RASGRP2: variants seen among roughly 807,000 people sequenced by gnomAD.
RASGRP2 encodes RAS guanyl-releasing protein 2.
RASGRP2 carries 44 observed loss-of-function variants against 71.0 expected under a neutral mutation model. The ratio of observed to expected loss-of-function variants is 0.62; its 90% CI spans 0.49 to 0.80. The LOEUF is 0.80. RASGRP2 is among the 30% of genes least tolerant of loss of function. The pLI is 0.00. For missense variants in RASGRP2, 663 were observed against 813.4 expected (o/e 0.82, Z 2.25); for synonymous variants, 350 against 330.7 (o/e 1.06, Z -0.63).
At chr11:64,732,616 C>T (rs539835535) in intron 12 of RASGRP2, among the ~76,000 whole-genome samples, 1 of 152,040 alleles carries the variant, frequency 6.6e-6, no homozygotes, top group Admixed American at 6.5e-5. Flanking sequence ...CCCGTCTCTA[C>T]TAAAAATACA....
Position 64,743,398 on chromosome 11 carries a change from G to C in RASGRP2, c.-71-461C>G, listed in dbSNP as rs1592394662. 2.7e-6 allele frequency: 1 copy of C among 370,486 alleles called. No individual in the cohort carries two copies. The highest frequency in any genetic ancestry group is 7.6e-5 in the East Asian group (1 of 13,102). 22.9% of individuals were successfully genotyped at this position (370,486 alleles called of 1,614,324 possible). A position where few individuals can be genotyped will look rare whatever the true frequency, so the allele number is the denominator to read the frequency against. The stretch of plus-strand genomic sequence containing the variant: ...GAGGAATTTCTCCCTGGTATGGGAG[G>C]TGGGGGGAGAGAACCCAGGCGTCCT... On this transcript the variant is annotated intron_variant, in intron 1 of 16. Coordinates refer to ENST00000394432, the MANE Select transcript of RASGRP2 (RefSeq NM_001098671.2). This position sits in a 1 kb window ranked among gnomAD's most constrained non-coding sequence, Gnocchi z 4.9.
chr11:64,732,589 C>T (rs142642832), intron 12 of RASGRP2, among the ~76,000 whole-genome samples: 268 of 151,826 alleles, frequency 1.8e-3, no homozygotes, highest in African/African-American at 5.4e-3. Context: ...GTCTGGAGGT[C>T]GAGACCACGG....
At chr11:64,728,489 G>A (rs1353077767) in intron 15 of RASGRP2, among the ~76,000 whole-genome samples, 7 of 151,294 alleles carry the variant, frequency 4.6e-5, no homozygotes, top group Non-Finnish European at 1.0e-4. Context: ...GTGCAGTGGC[G>A]CGATCTCGGC....
In RASGRP2 at chr11:64,739,856, C is replaced by T; in HGVS notation, c.523-47G>A. 1 of 1,610,954 alleles carries T rather than the reference C, an allele frequency of 6.2e-7. No homozygotes were observed. Among genetic ancestry groups the T allele is most frequent in the Admixed American group, 1.7e-5 (1 of 59,958 alleles). On this transcript the variant is annotated intron_variant, in intron 6 of 16. Coordinates refer to ENST00000394432, the MANE Select transcript of RASGRP2 (RefSeq NM_001098671.2). This position sits in a 1 kb window ranked among gnomAD's most constrained non-coding sequence, Gnocchi z 4.2. ...TCAGCACCTTGCTGGCCTCTCCCCTCACTGATAGCCACTCCTCACCCTCCA... is the reference window on the plus strand; with the variant it reads ...TCAGCACCTTGCTGGCCTCTCCCCTTACTGATAGCCACTCCTCACCCTCCA...
intron 3 of RASGRP2, among the ~76,000 whole-genome samples, 189 bp from the exon 4 acceptor site, chr11:64,741,690 G>A (rs965742840): frequency 4.6e-5 from 7 of 152,170 alleles, no homozygotes; most frequent in African/African-American, 1.4e-4. Flanking sequence ...GGTGCTGAGG[G>A]AGGCTGAAAG....
chr11:64,730,632 A>G (rs2057735443), intron 12 of RASGRP2, among the ~76,000 whole-genome samples: 1 of 152,224 alleles, frequency 6.6e-6, no homozygotes, highest in Admixed American at 6.5e-5. Flanking sequence ...CCTGCTGGAA[A>G]GACAGCTGTA....
chr11:64,729,466 A>G (rs1335935559), intron 14 of RASGRP2, among the ~76,000 whole-genome samples: 1 of 151,712 alleles, frequency 6.6e-6, no homozygotes, highest in Non-Finnish European at 1.5e-5. Context: ...CCTCCCAAGT[A>G]GCTGGGATTA....
Position 64,730,115 on chromosome 11 carries a change from CGAAGCCCATGCGCCCCCCCAACACAGA to C in RASGRP2, c.1465_1491del (p.Ser489_Phe497del). The C allele has an allele frequency of 6.4e-7, 1 of 1,551,090 alleles. No homozygotes were observed. Among genetic ancestry groups the C allele is most frequent in the Non-Finnish European group, 8.7e-7 (1 of 1,147,066 alleles). On this transcript the variant is annotated inframe_deletion, in exon 13 of 17. Coordinates refer to ENST00000394432, the MANE Select transcript of RASGRP2 (RefSeq NM_001098671.2). ...GAGTTGCTCTCCTGGAAGTTGTGTA[CGAAGCCCATGCGCCCCCCCAACACAGA>C]GCTGGAGCGCAGGAAATAGGAAACC...
rs1003050271 is a variant in RASGRP2 at position 64,743,041 on chromosome 11, G to A, written c.-71-104C>T. The A allele has an allele frequency of 1.5e-6, 2 of 1,303,388 alleles. No individual in the cohort carries two copies. The highest frequency in any genetic ancestry group is 2.1e-6 in the Non-Finnish European group (2 of 938,292). The allele number at this position is 1,303,388 out of a possible 1,614,324, so 80.7% of individuals were successfully genotyped here. A position where few individuals can be genotyped will look rare whatever the true frequency, so the allele number is the denominator to read the frequency against. On this transcript the variant is annotated intron_variant, in intron 1 of 16. Transcript: ENST00000394432. This position sits in a 1 kb window ranked among gnomAD's most constrained non-coding sequence, Gnocchi z 4.9. ...CGGGCACGCCCCCTGCTGGACAGGG[G>A]CGGAGTTGTCCCCCGCGGCCACTCC...
At chr11:64,730,225 G>A (rs758695864) in intron 12 of RASGRP2, 31 bp from the exon 13 acceptor site, 4 of 1,551,304 alleles carry the variant, frequency 2.6e-6, no homozygotes, top group South Asian at 2.4e-5. Context: ...GCTTCAGCTC[G>A]GGCCCTCCCC....
At chr11:64,728,586 C>A (rs1203759599) in intron 15 of RASGRP2, among the ~76,000 whole-genome samples, 2 of 152,126 alleles carry the variant, frequency 1.3e-5, no homozygotes, top group African/African-American at 4.8e-5. Context: ...CGCCACCACG[C>A]CTGGCTAATT....
At chr11:64,733,852 T>C (rs969691398) in intron 12 of RASGRP2, among the ~76,000 whole-genome samples, 4 of 61,124 alleles carry the variant, frequency 6.5e-5, no homozygotes, top group African/African-American at 1.7e-4. Flanking sequence ...CCTTTTTTTT[T>C]CTTTTTTTTT....
chr11:64,729,121 C>G (rs1014192187), intron 14 of RASGRP2, 79 bp from the exon 15 acceptor site: 7 of 1,410,496 alleles, frequency 5.0e-6, no homozygotes, highest in South Asian at 1.2e-5. Context: ...CTTGTGCCCC[C>G]CTACCAGGAA....
rs1257005484 is a variant in RASGRP2, at chr11:64,729,105, C to T, written c.1592-63G>A. ...GGTCAGAATACCCTCCATCCCATCC[C>T]GCAGGCTTGTGCCCCCCTACCAGGA... is the stretch of plus-strand genomic sequence containing the variant. On this transcript the variant is annotated intron_variant, in intron 14 of 16. Coordinates refer to ENST00000394432, the MANE Select transcript of RASGRP2 (RefSeq NM_001098671.2). 1.1e-5 allele frequency: 17 copies of T among 1,484,868 alleles called. No individual in the cohort carries two copies. The South Asian group carries it at 1.2e-4, about 10-fold the overall frequency. The allele number at this position is 1,484,868 out of a possible 1,614,324, so 92.0% of individuals were successfully genotyped here.
chr11:64,742,856 G>T lies in RASGRP2; in HGVS notation c.11C>A (p.Thr4Asn). The change falls in exon 2 of 17, where the codon ACC (threonine) becomes AAC (asparagine). Residue 4 changes from threonine to asparagine, a missense_variant. Thr to Asn is a moderately conservative substitution (Grantham distance 65). Coordinates refer to ENST00000394432, the MANE Select transcript of RASGRP2 (RefSeq NM_001098671.2). The surrounding 1 kb of genome is among the most constrained non-coding windows in gnomAD (Gnocchi z 4.7). ...CGTGCAGCCCTTGTCCAGGTCCAGG[G>T]TGCCTGCCATGGCCGCCGGCGCGGG... is the stretch of plus-strand genomic sequence containing the variant. Reference protein sequence around the residue: MAGTLDLDKGCTVE... With the variant: MAGNLDLDKGCTVE... 5 of 1,600,784 alleles carry T rather than the reference G, an allele frequency of 3.1e-6. No individual in the cohort carries two copies. Among genetic ancestry groups the T allele is most frequent in the Non-Finnish European group, 4.3e-6 (5 of 1,176,030 alleles).
chr11:64,742,563 C>T lies in RASGRP2; in HGVS notation c.73+231G>A. On this transcript the variant is annotated intron_variant, in intron 2 of 16. Coordinates refer to ENST00000394432, the MANE Select transcript of RASGRP2 (RefSeq NM_001098671.2). The surrounding 1 kb of genome is among the most constrained non-coding windows in gnomAD (Gnocchi z 4.7). ...CAAGTGTCAGAGTCCGGGACCCGGC[C>T]CTCCCTTCGCCGCCGCTGGGGAAGG... The T allele has an allele frequency of 1.6e-6, 1 of 622,334 alleles. No individual in the cohort carries two copies. The highest frequency in any genetic ancestry group is 2.8e-6 in the Non-Finnish European group (1 of 355,080). The allele number at this position is 622,334 out of a possible 1,614,324, so 38.6% of individuals were successfully genotyped here.
chr11:64,729,659 C>G, intron 14 of RASGRP2, 103 bp downstream of exon 14: 1 of 1,404,406 alleles, frequency 7.1e-7, no homozygotes. Context: ...TTTTAAGGTA[C>G]TTCACTCCTT....
chr11:64,741,637 G>C, intron 3 of RASGRP2, 136 bp from the exon 4 acceptor site: 1 of 835,756 alleles, frequency 1.2e-6, no homozygotes, highest in Non-Finnish European at 2.0e-6. Flanking sequence ...CTGGGGGTGA[G>C]GCTTGAGCTC....
rs1452781644 is a variant in RASGRP2, at chr11:64,737,710, GAAAGA to G, written c.814-681_814-677del. ...AAAAAAAAAAAGAAAGAAAAAGAAA[GAAAGA>G]AAAGAAAAGGAAAAACCCCAACATT... On this transcript the variant is annotated intron_variant, in intron 8 of 16. Coordinates refer to ENST00000394432, the MANE Select transcript of RASGRP2 (RefSeq NM_001098671.2). 2.8e-5 allele frequency among the ~76,000 whole-genome samples: 4 copies of G among 144,284 alleles called. No individual in the cohort carries two copies. The East Asian group carries it at 6.3e-4, about 23-fold the overall frequency. 94.7% of individuals were successfully genotyped at this position (144,284 alleles called of 152,430 possible). A position where few individuals can be genotyped will look rare whatever the true frequency, so the allele number is the denominator to read the frequency against.
Sources: allele counts gnomAD v4.1 joint callset (sites outside exome capture counted in the v4.1 genomes callset), GRCh38; gene constraint gnomAD v4.1.1; non-coding constraint Gnocchi (gnomAD v3.1); transcripts MANE v1.5; gene names NCBI Gene and HGNC (gene_info 2026-07-23, HGNC 2026-07-21).